TPRG1: variants seen among roughly 807,000 people sequenced by gnomAD.
TPRG1 encodes tumor protein p63-regulated gene 1 protein.
A neutral mutation model predicts 29.3 loss-of-function variants in TPRG1; 29 were observed. The observed-to-expected ratio is 0.99, with a 90% CI of 0.74 to 1.35. The LOEUF (loss-of-function observed/expected upper bound fraction) is 1.35, where lower values mean the gene tolerates loss of function less well. Ranked by LOEUF, TPRG1 falls within the 40% of genes most tolerant of loss-of-function variation. TPRG1 has a pLI of 0.00. For synonymous variants in TPRG1, 130 were observed against 116.8 expected (o/e 1.11, Z -0.73); for missense variants, 327 against 335.0 (o/e 0.98, Z 0.19).
upstream of TPRG1, among the ~76,000 whole-genome samples, chr3:189,167,108 G>A (rs1051858820): frequency 2.6e-5 from 4 of 152,108 alleles, no homozygotes; most frequent in Non-Finnish European, 4.4e-5. Flanking sequence ...TGCCTGAGTC[G>A]GCTGTGAGAT....
At chr3:189,273,121 T>A (rs1373253426) in intron 4 of TPRG1, among the ~76,000 whole-genome samples, 3 of 152,280 alleles carry the variant, frequency 2.0e-5, no homozygotes, top group Admixed American at 6.5e-5. Flanking sequence ...TCTAATCAGC[T>A]CCTCTTGAAG....
chr3:189,087,484 T>G (rs980246210), intron 4 of TPRG1, among the ~76,000 whole-genome samples: 2 of 152,200 alleles, frequency 1.3e-5, no homozygotes, highest in African/African-American at 4.8e-5. Flanking sequence ...GTAGTTTCTT[T>G]TGCTGTGCAG....
intron 4 of TPRG1, among the ~76,000 whole-genome samples, chr3:189,258,962 G>A (rs1429709607): frequency 1.3e-5 from 2 of 152,312 alleles, no homozygotes; most frequent in South Asian, 2.1e-4. Flanking sequence ...GATCCACTGA[G>A]GAAGACCACT....
intron 4 of TPRG1, among the ~76,000 whole-genome samples, chr3:189,054,904 G>A (rs1365477628): frequency 2.0e-5 from 3 of 152,224 alleles, no homozygotes; most frequent in Non-Finnish European, 4.4e-5. Context: ...GTAAGCATGT[G>A]CTGGTGGAAA....
chr3:189,260,576 A>G (rs1274858189), intron 4 of TPRG1, among the ~76,000 whole-genome samples: 1 of 152,226 alleles, frequency 6.6e-6, no homozygotes, highest in Non-Finnish European at 1.5e-5. Context: ...TCACATTGAT[A>G]TGCCAACAAA....
intron 3 of TPRG1, among the ~76,000 whole-genome samples, chr3:189,140,450 T>C (rs920194446): frequency 6.6e-6 from 1 of 152,158 alleles, no homozygotes; most frequent in African/African-American, 2.4e-5. Context: ...ACACGGGACT[T>C]ATGTCAACAA....
intron 1 of TPRG1, among the ~76,000 whole-genome samples, chr3:189,205,607 CTT>C (rs1734206682): frequency 6.6e-6 from 1 of 152,204 alleles, no homozygotes; most frequent in Admixed American, 6.5e-5. Flanking sequence ...TTAAAAACCA[CTT>C]TTGTTTAAGA....
At chr3:189,050,787 T>C (rs555482862) in intron 4 of TPRG1, among the ~76,000 whole-genome samples, 2 of 152,054 alleles carry the variant, frequency 1.3e-5, no homozygotes, top group South Asian at 4.2e-4. Flanking sequence ...CGTACACAAG[T>C]CAATAAATGT....
intron 5 of TPRG1, among the ~76,000 whole-genome samples, chr3:189,161,540 T>C (rs1727489608): frequency 6.6e-6 from 1 of 152,142 alleles, no homozygotes; most frequent in African/African-American, 2.4e-5. Flanking sequence ...GTGCAAAAAC[T>C]ATACAAAATA....
chr3:189,003,087 A>G (rs959205651), intron 2 of TPRG1, among the ~76,000 whole-genome samples: 2 of 152,188 alleles, frequency 1.3e-5, no homozygotes, highest in African/African-American at 4.8e-5. Flanking sequence ...AGGCATAACG[A>G]CATTATTTTT....
intron 4 of TPRG1, among the ~76,000 whole-genome samples, chr3:189,239,346 C>T (rs189793084): frequency 5.3e-5 from 8 of 152,234 alleles, no homozygotes; most frequent in Admixed American, 5.2e-4. Flanking sequence ...CAAGACTGGA[C>T]CCCATGGTTC....
intron 4 of TPRG1, among the ~76,000 whole-genome samples, chr3:189,303,280 A>T (rs1022590832): frequency 3.3e-5 from 5 of 152,202 alleles, no homozygotes; most frequent in African/African-American, 1.2e-4. Context: ...TAAGTATGTA[A>T]GTTTGAGAAT....
At chr3:189,064,206 G>T (rs1716291087) in intron 4 of TPRG1, among the ~76,000 whole-genome samples, 2 of 152,108 alleles carry the variant, frequency 1.3e-5, no homozygotes, top group Admixed American at 1.3e-4. Context: ...GTCCCCAAAG[G>T]AAATGAGTTT....
At chr3:189,287,217 C>T (rs75220894) in intron 4 of TPRG1, among the ~76,000 whole-genome samples, 1,697 of 152,164 alleles carry the variant, frequency 0.011, 29 homozygotes, top group Non-Finnish European at 0.013. Flanking sequence ...CCCAGTGACG[C>T]TTTGCCTTTT....
intron 1 of TPRG1, among the ~76,000 whole-genome samples, chr3:189,118,527 G>A (rs1721443907): frequency 6.6e-6 from 1 of 152,160 alleles, no homozygotes; most frequent in East Asian, 1.9e-4. Context: ...CTTCACAGCA[G>A]CCCCACCTGT....
chr3:189,129,544 G>C (rs1449112276), intron 2 of TPRG1, among the ~76,000 whole-genome samples: 1 of 152,124 alleles, frequency 6.6e-6, no homozygotes, highest in African/African-American at 2.4e-5. Flanking sequence ...AAAATATGCT[G>C]TTTATACTTA....
upstream of TPRG1, among the ~76,000 whole-genome samples, chr3:189,168,829 GCATGTTTATTTAC>G (rs1215567716): frequency 6.6e-6 from 1 of 152,160 alleles, no homozygotes; most frequent in African/African-American, 2.4e-5. Context: ...CCCCAGTGAT[GCATGTTTATTTAC>G]CAATTTTTAT....
At chr3:189,146,653 G>C (rs60192583) in intron 3 of TPRG1, among the ~76,000 whole-genome samples, 78 of 152,246 alleles carry the variant, frequency 5.1e-4, no homozygotes, top group African/African-American at 1.8e-3. Flanking sequence ...AGTTCCTTGA[G>C]GGCAGAGACC....
intron 1 of TPRG1, among the ~76,000 whole-genome samples, chr3:189,202,020 G>A (rs1014312047): frequency 9.2e-5 from 14 of 152,012 alleles, no homozygotes; most frequent in African/African-American, 3.4e-4. Flanking sequence ...CTTTGCCTCC[G>A]ACTCATGTTC....
Sources: gnomAD v4.1 joint callset for allele counts (sites outside exome capture counted in the v4.1 genomes callset) on GRCh38, gnomAD v4.1.1 for gene constraint, MANE v1.5 for transcripts, NCBI Gene and HGNC (gene_info 2026-07-23, HGNC 2026-07-21) for gene names.